Variants in AOAH observed in about 807,000 individuals in gnomAD.
AOAH encodes acyloxyacyl hydrolase.
In AOAH, 64 loss-of-function variants were observed where a neutral mutation model predicts 92.2. The observed-to-expected ratio is 0.69, with a 90% CI of 0.57 to 0.86. AOAH has a LOEUF of 0.86. Ranked by LOEUF, AOAH falls within the 40% of genes least tolerant of loss-of-function variation. The pLI, the probability that AOAH is intolerant of heterozygous loss-of-function variation, is 0.00. For synonymous variants in AOAH, 263 were observed against 254.5 expected, an observed-to-expected ratio of 1.03 and a Z score of -0.32; for missense variants, 656 against 694.6, an observed-to-expected ratio of 0.94 and a Z score of 0.62.
In AOAH at chr7:36,724,232, TG is replaced by T. The variant is rs1343473229; in HGVS notation, c.-85del. ...CTGGAGCTGAGGCTGCAGAATCAATTGATCTCTCTCTCCTTCTCTTCCTCAC... is the reference window on the plus strand; with the variant it reads ...CTGGAGCTGAGGCTGCAGAATCAATTATCTCTCTCTCCTTCTCTTCCTCAC... On this transcript the variant is annotated 5_prime_UTR_variant, in exon 1 of 21. Coordinates refer to ENST00000617537, the MANE Select transcript of AOAH (RefSeq NM_001637.4). The T allele has an allele frequency of 2.0e-6, 3 of 1,530,340 alleles. No homozygotes were observed. The highest frequency in any genetic ancestry group is 2.7e-6 in the Non-Finnish European group (3 of 1,113,770). The allele number at this position is 1,530,340 out of a possible 1,614,324, so 94.8% of individuals were successfully genotyped here.
At chr7:36,722,921 G>A (rs1354460367) in intron 1 of AOAH, among the ~76,000 whole-genome samples, 2 of 104,262 alleles carry the variant, frequency 1.9e-5, no homozygotes, top group South Asian at 3.5e-4. Context: ...GTGACAGTGC[G>A]ATAATCCATC....
chr7:36,616,579 G>A (rs1182804194), intron 10 of AOAH, 105 bp from the exon 11 acceptor site: 11 of 897,714 alleles, frequency 1.2e-5, no homozygotes, highest in Admixed American at 4.1e-5. Context: ...TCCAGGCACC[G>A]AGCATTTTCA....
At chr7:36,609,682 G>T (rs1350499982) in intron 11 of AOAH, among the ~76,000 whole-genome samples, 1 of 152,128 alleles carries the variant, frequency 6.6e-6, no homozygotes, top group Non-Finnish European at 1.5e-5. Context: ...CCTCCAGTTT[G>T]CGGGGGAGCG....
intron 13 of AOAH, among the ~76,000 whole-genome samples, chr7:36,553,216 G>A (rs967963771): frequency 8.1e-5 from 12 of 148,014 alleles, no homozygotes; most frequent in East Asian, 2.0e-4. Context: ...GAGAACATGC[G>A]GTGTTTGGTT....
At chr7:36,539,407 G>A (rs1385505406) in intron 16 of AOAH, among the ~76,000 whole-genome samples, 2 of 152,168 alleles carry the variant, frequency 1.3e-5, no homozygotes, top group Non-Finnish European at 2.9e-5. Flanking sequence ...GGAAGACTGA[G>A]GCCAGCTCCC....
At chr7:36,549,416 A>C in intron 14 of AOAH, 23 bp downstream of exon 14, 1 of 1,573,248 alleles carries the variant, frequency 6.4e-7, no homozygotes, top group Non-Finnish European at 8.7e-7. Context: ...CAAATTAAAA[A>C]CAACTTCTTA....
intron 13 of AOAH, among the ~76,000 whole-genome samples, chr7:36,573,708 ACT>A (rs1439567532): frequency 6.6e-6 from 1 of 151,958 alleles, no homozygotes; most frequent in East Asian, 1.9e-4. Context: ...ACAGAGCGAG[ACT>A]CTGTCTCAAA....
At chr7:36,690,075 C>A in intron 1 of AOAH, 1 of 395,304 alleles carries the variant, frequency 2.5e-6, no homozygotes, top group Non-Finnish European at 5.0e-6. Context: ...AGCTTGAAAC[C>A]AGCCTGCTTC....
At chr7:36,588,359 C>T (rs1395588422) in intron 12 of AOAH, among the ~76,000 whole-genome samples, 1 of 152,210 alleles carries the variant, frequency 6.6e-6, no homozygotes, top group Non-Finnish European at 1.5e-5. Flanking sequence ...GTCTTAGAGA[C>T]CCCACAGGGG....
intron 3 of AOAH, among the ~76,000 whole-genome samples, chr7:36,666,298 G>T (rs1795527264): frequency 6.6e-6 from 1 of 151,884 alleles, no homozygotes; most frequent in Admixed American, 6.6e-5. Context: ...CAAGGAATTG[G>T]CCCATTTCCT....
chr7:36,576,573 C>A lies in AOAH; in HGVS notation c.1021+1G>T, dbSNP rs142273686. ...GAAGGCTTAAATGGAAAGTTACGTACCATTTCTTGAAATATTCTGGTAGTC... is the reference window on the plus strand; with the variant it reads ...GAAGGCTTAAATGGAAAGTTACGTAACATTTCTTGAAATATTCTGGTAGTC... On this transcript the variant is annotated splice_donor_variant, in intron 13 of 20. Coordinates refer to ENST00000617537, the MANE Select transcript of AOAH (RefSeq NM_001637.4). LOFTEE classifies it high-confidence loss of function. 6.5e-7 allele frequency: 1 copy of A among 1,539,306 alleles called. No individual in the cohort carries two copies. The highest frequency in any genetic ancestry group is 8.9e-7 in the Non-Finnish European group (1 of 1,127,678).
intron 1 of AOAH, among the ~76,000 whole-genome samples, chr7:36,712,989 C>T (rs7797861): frequency 0.59 from 88,944 of 151,808 alleles, 26,438 homozygotes; most frequent in East Asian, 0.83. Context: ...CAATATTAAC[C>T]TTAAATGTAA....
intron 12 of AOAH, among the ~76,000 whole-genome samples, chr7:36,579,105 T>C (rs942737423): frequency 1.2e-4 from 19 of 152,226 alleles, no homozygotes; most frequent in Non-Finnish European, 4.4e-5. Flanking sequence ...TGCTTAACCA[T>C]GTGTGAGAAA....
intron 11 of AOAH, among the ~76,000 whole-genome samples, chr7:36,602,899 AT>A (rs1430990769): frequency 2.0e-5 from 3 of 152,068 alleles, no homozygotes; most frequent in Admixed American, 2.0e-4. Context: ...TGATGATCTC[AT>A]TTTCTTTCTC....
At chr7:36,612,025 T>G (rs931647947) in intron 11 of AOAH, among the ~76,000 whole-genome samples, 1 of 152,200 alleles carries the variant, frequency 6.6e-6, no homozygotes, top group Non-Finnish European at 1.5e-5. Context: ...TTAGAGGGCT[T>G]TTGCAAAGAT....
chr7:36,583,360 C>G (rs186666434), intron 12 of AOAH, among the ~76,000 whole-genome samples: 31 of 152,292 alleles, frequency 2.0e-4, no homozygotes, highest in Non-Finnish European at 3.7e-4. Flanking sequence ...GGATAACTTT[C>G]TTTCTAATGT....
chr7:36,650,448 G>A (rs1003143024), intron 4 of AOAH, among the ~76,000 whole-genome samples: 3 of 152,092 alleles, frequency 2.0e-5, no homozygotes, highest in Non-Finnish European at 4.4e-5. Context: ...ATGTGTGGGA[G>A]GTGAGAAGCA....
At chr7:36,515,703 AC>A (rs373927138) in intron 20 of AOAH, among the ~76,000 whole-genome samples, 140 of 48,614 alleles carry the variant, frequency 2.9e-3, no homozygotes, top group African/African-American at 0.011. Flanking sequence ...ATAATCACAC[AC>A]CCCCCCACAC....
intron 19 of AOAH, among the ~76,000 whole-genome samples, chr7:36,528,626 C>T (rs1039229103): frequency 1.3e-5 from 2 of 152,142 alleles, no homozygotes; most frequent in Non-Finnish European, 2.9e-5. Context: ...GATGAGGTCT[C>T]TCTCTGTCAA....
Sources: allele counts gnomAD v4.1 joint callset (sites outside exome capture counted in the v4.1 genomes callset), GRCh38; gene constraint gnomAD v4.1.1; transcripts MANE v1.5; gene names NCBI Gene and HGNC (gene_info 2026-07-23, HGNC 2026-07-21).